Variants in STXBP4 observed in about 807,000 individuals in gnomAD.
STXBP4 encodes the protein syntaxin-binding protein 4.
In STXBP4, 55 loss-of-function variants were observed where a neutral mutation model predicts 76.1. That is an observed-to-expected ratio of 0.72 (90% CI 0.58 to 0.91). The LOEUF (loss-of-function observed/expected upper bound fraction) is 0.91, where lower values mean the gene tolerates loss of function less well. Ranked by LOEUF, STXBP4 falls within the 40% of genes least tolerant of loss-of-function variation. The pLI is 0.00. For missense variants in STXBP4, 618 were observed against 636.9 expected (o/e 0.97, Z 0.32); for synonymous variants, 201 against 220.2 (o/e 0.91, Z 0.77).
chr17:55,017,997 G>T (rs1598210965), intron 8 of STXBP4, among the ~76,000 whole-genome samples: 1 of 152,144 alleles, frequency 6.6e-6, no homozygotes, highest in East Asian at 1.9e-4. Flanking sequence ...TCGCCAAAAT[G>T]TTACTGGGGG....
chr17:55,189,903 C>T, the STXBP4 span, among the ~76,000 whole-genome samples: 2 of 152,178 alleles, frequency 1.3e-5, no homozygotes, highest in East Asian at 3.8e-4. Context: ...ACCTTCTGAA[C>T]ATCATTCTCC....
chr17:54,994,004 T>C (rs190248944), intron 4 of STXBP4, among the ~76,000 whole-genome samples: 3 of 152,234 alleles, frequency 2.0e-5, no homozygotes, highest in East Asian at 3.9e-4. Flanking sequence ...AAAATACTGG[T>C]TTAGTAGAAG....
At chr17:55,038,937 G>A (rs188770955) in intron 10 of STXBP4, among the ~76,000 whole-genome samples, 2 of 152,178 alleles carry the variant, frequency 1.3e-5, no homozygotes, top group Admixed American at 1.3e-4. Context: ...ATAAAACTGA[G>A]TAATGTTTCA....
chr17:54,997,539 A>C (rs923044210), intron 4 of STXBP4, among the ~76,000 whole-genome samples: 9 of 141,760 alleles, frequency 6.3e-5, no homozygotes, highest in African/African-American at 2.3e-4. Flanking sequence ...TATATAACAT[A>C]AATATATATA....
At chr17:55,110,343 G>A (rs1283771373) in intron 16 of STXBP4, among the ~76,000 whole-genome samples, 2 of 152,174 alleles carry the variant, frequency 1.3e-5, no homozygotes, top group Admixed American at 1.3e-4. Context: ...TAGTTTCCAT[G>A]GCTTAGGATG....
At chr17:55,017,028 T>G (rs1195685366) in intron 8 of STXBP4, among the ~76,000 whole-genome samples, 1 of 152,166 alleles carries the variant, frequency 6.6e-6, no homozygotes, top group Admixed American at 6.5e-5. Context: ...GGTCTCAGTA[T>G]TTTTAGGCTA....
At chr17:55,012,979 A>G (rs892652549) in intron 8 of STXBP4, among the ~76,000 whole-genome samples, 6 of 152,216 alleles carry the variant, frequency 3.9e-5, no homozygotes, top group African/African-American at 1.4e-4. Flanking sequence ...CTTTCAAGTA[A>G]TAGAGCCTGA....
intron 16 of STXBP4, among the ~76,000 whole-genome samples, chr17:55,093,279 C>T (rs539126270): frequency 3.3e-5 from 5 of 152,086 alleles, no homozygotes; most frequent in South Asian, 4.1e-4. Flanking sequence ...CATGAGTCAC[C>T]GCACCCAGCC....
intron 4 of STXBP4, among the ~76,000 whole-genome samples, chr17:54,993,212 T>C (rs1267788453): frequency 6.6e-6 from 1 of 152,244 alleles, no homozygotes; most frequent in Admixed American, 6.5e-5. Flanking sequence ...AGGCAAAATT[T>C]TCTCATTGAC....
chr17:55,202,170 C>G, the STXBP4 span, among the ~76,000 whole-genome samples: 5 of 152,198 alleles, frequency 3.3e-5, no homozygotes, highest in African/African-American at 9.6e-5. Flanking sequence ...CTCATATCCT[C>G]TTGTTCACCA....
At chr17:55,083,627 G>C in intron 16 of STXBP4, among the ~76,000 whole-genome samples, 1 of 152,156 alleles carries the variant, frequency 6.6e-6, no homozygotes, top group East Asian at 1.9e-4. Flanking sequence ...TCAGATGTCT[G>C]TTGGGGATGC....
Position 55,078,178 on chromosome 17 carries a change from T to C in STXBP4, c.1289T>C (p.Leu430Pro), listed in dbSNP as rs762490344. 1 of 1,609,072 alleles carries C rather than the reference T, an allele frequency of 6.2e-7. No homozygotes were observed. Among genetic ancestry groups the C allele is most frequent in the Admixed American group, 1.7e-5 (1 of 59,026 alleles). Residue 430 changes from leucine to proline, a missense_variant, in exon 14 of 18, where the codon CTT becomes CCT. By Grantham distance (98) the Leu-to-Pro change is moderately conservative. Transcript: ENST00000376352. ...RKTFEASTEK[L>P]LHFVEAIQEV... is the part of the protein sequence containing the mutation. ...ACTTTTGAGGCATCCACTGAAAAGCTTCTTCATTTTGTAGAGGTAAGTTTT... is the reference window on the plus strand; with the variant it reads ...ACTTTTGAGGCATCCACTGAAAAGCCTCTTCATTTTGTAGAGGTAAGTTTT...
chr17:55,068,765 A>C (rs1268423363), intron 12 of STXBP4, among the ~76,000 whole-genome samples: 1 of 152,144 alleles, frequency 6.6e-6, no homozygotes, highest in Admixed American at 6.6e-5. Flanking sequence ...GTGATTTTCC[A>C]TTATAAAAAT....
Position 55,171,968 on chromosome 17 carries a change from C to T in STXBP4, c.*12057C>T, listed in dbSNP as rs1007107356. 2.0e-5 allele frequency: 3 copies of T among 152,214 alleles called. No homozygotes were observed. The highest frequency in any genetic ancestry group is 1.3e-4 in the Admixed American group (2 of 15,286). The allele number at this position is 152,214 out of a possible 1,614,324, so 9.4% of individuals were successfully genotyped here. Reference sequence around the variant, plus strand: ...GTCCTCCTTTGGATAATAAAAACAGCAATAATTATAGTGTCATTACCCTGA... The same window carrying T: ...GTCCTCCTTTGGATAATAAAAACAGTAATAATTATAGTGTCATTACCCTGA... On this transcript the variant is annotated 3_prime_UTR_variant, in exon 18 of 18. Transcript: ENST00000376352.
intron 16 of STXBP4, among the ~76,000 whole-genome samples, chr17:55,111,622 T>G (rs2145057404): frequency 6.6e-6 from 1 of 152,238 alleles, no homozygotes; most frequent in East Asian, 1.9e-4. Flanking sequence ...CCAACCTTAT[T>G]CATGGGCTGG....
chr17:55,118,164 A>G (rs916100244), intron 16 of STXBP4, among the ~76,000 whole-genome samples: 1 of 152,018 alleles, frequency 6.6e-6, no homozygotes, highest in African/African-American at 2.4e-5. Context: ...AAAAGCAAAC[A>G]ATAAACAGGA....
At chr17:55,180,462 C>T in the STXBP4 span, among the ~76,000 whole-genome samples, 6 of 152,068 alleles carry the variant, frequency 3.9e-5, no homozygotes, top group Non-Finnish European at 7.4e-5. Flanking sequence ...CCCTGTTCAC[C>T]CCTACACTTC....
intron 4 of STXBP4, among the ~76,000 whole-genome samples, chr17:54,996,586 T>G (rs770868249): frequency 2.0e-5 from 3 of 152,210 alleles, no homozygotes; most frequent in Non-Finnish European, 2.9e-5. Context: ...CATATGTTAC[T>G]TAATTCTTAT....
chr17:55,122,758 G>C (rs1480146159), intron 16 of STXBP4, among the ~76,000 whole-genome samples: 1 of 152,078 alleles, frequency 6.6e-6, no homozygotes, highest in Non-Finnish European at 1.5e-5. Context: ...GTGTGCTAAT[G>C]GATGACTTCC....
Sources: gnomAD v4.1 joint callset for allele counts (sites outside exome capture counted in the v4.1 genomes callset) on GRCh38, gnomAD v4.1.1 for gene constraint, MANE v1.5 for transcripts, NCBI Gene and HGNC (gene_info 2026-07-23, HGNC 2026-07-21) for gene names.